TBCK: variants seen among roughly 807,000 people sequenced by gnomAD.
TBCK encodes TBC domain-containing protein kinase-like protein.
A neutral mutation model predicts 113.4 loss-of-function variants in TBCK; 99 were observed. The observed-to-expected ratio is 0.87, with a 90% confidence interval of 0.74 to 1.03. The LOEUF (loss-of-function observed/expected upper bound fraction) is 1.03. Ranked by LOEUF, TBCK falls within the 50% of genes least tolerant of loss-of-function variation. The probability of loss-of-function intolerance (pLI) is 0.00; values close to 1 mark genes in which losing one functional copy is unlikely to be tolerated. For missense variants in TBCK, 1,045 were observed against 1,061.3 expected (o/e 0.98, Z 0.21); for synonymous variants, 369 against 370.8 (o/e 1.00, Z 0.05).
intron 13 of TBCK, 50 bp downstream of exon 13, chr4:106,236,709 A>C (rs145572223): frequency 8.9e-7 from 1 of 1,121,250 alleles, no homozygotes; most frequent in Non-Finnish European, 1.2e-6. Context: ...TTATAAATCT[A>C]ATATAAATAG....
chr4:106,186,041 A>G (rs1253287653), intron 22 of TBCK, among the ~76,000 whole-genome samples: 8 of 152,056 alleles, frequency 5.3e-5, no homozygotes, highest in African/African-American at 1.9e-4. Flanking sequence ...CTCCATCCAT[A>G]TTGCTGCAAA....
In TBCK at chr4:106,230,447, C is replaced by T. The variant is rs1294095178; in HGVS notation, c.1691-1G>A. On this transcript the variant is annotated splice_acceptor_variant, in intron 18 of 25. Coordinates refer to ENST00000394708, the MANE Select transcript of TBCK (RefSeq NM_001163435.3). LOFTEE classifies it high-confidence loss of function. ...GCAGACATACATGCATAAGCCAAGGCTAAAAGAGAATAAGGCAAAGGCATG... is the reference window on the plus strand; with the variant it reads ...GCAGACATACATGCATAAGCCAAGGTTAAAAGAGAATAAGGCAAAGGCATG... 6.3e-7 allele frequency: 1 copy of T among 1,590,840 alleles called. No homozygotes were observed. The highest frequency in any genetic ancestry group is 1.1e-5 in the South Asian group (1 of 88,012).
In TBCK at chr4:106,092,551, C is replaced by T. The variant is rs531190662; in HGVS notation, c.2571+2931G>A. Reference sequence around the variant, plus strand: ...CAGGTCCCGAGCCCTGCCCTGCGGGCAGGCAGCTAAGGCCCGGTGAGAAAT... The same window carrying T: ...CAGGTCCCGAGCCCTGCCCTGCGGGTAGGCAGCTAAGGCCCGGTGAGAAAT... On this transcript the variant is annotated intron_variant, in intron 25 of 25. Coordinates refer to ENST00000394708, the MANE Select transcript of TBCK (RefSeq NM_001163435.3). 1.9e-3 allele frequency among the ~76,000 whole-genome samples: 292 copies of T among 152,334 alleles called. 2 individuals are homozygous for T. Among genetic ancestry groups the T allele is most frequent in the African/African-American group, 6.8e-3 (284 of 41,594 alleles).
intron 22 of TBCK, among the ~76,000 whole-genome samples, chr4:106,192,665 G>C (rs185056971): frequency 1.3e-5 from 2 of 152,020 alleles, no homozygotes; most frequent in African/African-American, 4.8e-5. Flanking sequence ...TTTCAACAGA[G>C]AGGCGGTAAA....
intron 22 of TBCK, among the ~76,000 whole-genome samples, chr4:106,179,390 C>G (rs961412128): frequency 6.6e-6 from 1 of 151,866 alleles, no homozygotes; most frequent in Non-Finnish European, 1.5e-5. Context: ...ATAAACTACC[C>G]TCTTAGAACT....
chr4:106,218,557 A>C, intron 19 of TBCK, among the ~76,000 whole-genome samples: 1 of 82,050 alleles, frequency 1.2e-5, no homozygotes, highest in African/African-American at 4.8e-5. Context: ...AAAGTGGGCA[A>C]AGGACATGAA....
intron 25 of TBCK, among the ~76,000 whole-genome samples, chr4:106,071,502 A>AGT (rs1472692267): frequency 1.3e-5 from 2 of 152,190 alleles, no homozygotes; most frequent in Non-Finnish European, 2.9e-5. Flanking sequence ...TTTGCTGAGG[A>AGT]GTGCTTTACT....
chr4:106,139,184 A>G (rs2149646903), intron 23 of TBCK, among the ~76,000 whole-genome samples: 1 of 140,928 alleles, frequency 7.1e-6, no homozygotes, highest in East Asian at 2.0e-4. Context: ...GATGTCAACT[A>G]AATGATCAAA....
At chr4:106,156,872 G>A (rs1057485605) in intron 23 of TBCK, among the ~76,000 whole-genome samples, 28 of 152,194 alleles carry the variant, frequency 1.8e-4, no homozygotes, top group African/African-American at 6.7e-4. Context: ...TGGCTGAGTT[G>A]GTACCTAAGG....
At chr4:106,246,989 A>G in intron 10 of TBCK, 150 bp downstream of exon 10, 1 of 780,770 alleles carries the variant, frequency 1.3e-6, no homozygotes, top group Middle Eastern at 3.8e-4. Flanking sequence ...CCAGCCAGTC[A>G]GTTATATTTT....
At position 106,137,233 on chromosome 4, in the gene TBCK, G is replaced by GA. The variant is rs571884661; in HGVS notation, c.2236-20856dup. 5.7e-5 allele frequency among the ~76,000 whole-genome samples: 8 copies of GA among 139,448 alleles called. 1 individual carries two copies. The South Asian group carries it at 7.4e-4, about 13-fold the overall frequency. The allele number at this position is 139,448 out of a possible 152,430, so 91.5% of individuals were successfully genotyped here. Reference sequence around the variant, plus strand: ...AAGGATAAACAATTTAAAGAAAAAAGAAAAAAAATTGACAAATATCTCAAT... The same window carrying GA: ...AAGGATAAACAATTTAAAGAAAAAAGAAAAAAAAATTGACAAATATCTCAAT... On this transcript the variant is annotated intron_variant, in intron 23 of 25. Coordinates refer to ENST00000394708, the MANE Select transcript of TBCK (RefSeq NM_001163435.3).
chr4:106,197,889 T>C (rs141543006), intron 20 of TBCK, among the ~76,000 whole-genome samples: 117 of 152,296 alleles, frequency 7.7e-4, no homozygotes, highest in African/African-American at 2.7e-3. Flanking sequence ...CCATTCATAC[T>C]GAACTAATCT....
chr4:106,162,303 T>C (rs1177283492), intron 23 of TBCK, among the ~76,000 whole-genome samples: 1 of 152,182 alleles, frequency 6.6e-6, no homozygotes, highest in Non-Finnish European at 1.5e-5. Flanking sequence ...CCTCTGTGGC[T>C]TTGCAAGATA....
At chr4:106,264,297 A>C (rs748284426) in intron 3 of TBCK, among the ~76,000 whole-genome samples, 1 of 152,022 alleles carries the variant, frequency 6.6e-6, no homozygotes, top group Non-Finnish European at 1.5e-5. Flanking sequence ...GTCCTCACTG[A>C]GGTGACACTT....
At chr4:106,150,953 A>T (rs1283587823) in intron 23 of TBCK, among the ~76,000 whole-genome samples, 1 of 152,172 alleles carries the variant, frequency 6.6e-6, no homozygotes, top group African/African-American at 2.4e-5. Context: ...TGATAAGAAC[A>T]GTCCTTTCCT....
intron 20 of TBCK, among the ~76,000 whole-genome samples, chr4:106,195,085 T>G (rs1478531901): frequency 2.0e-5 from 3 of 152,086 alleles, no homozygotes; most frequent in African/African-American, 7.2e-5. Flanking sequence ...TGTCCATAAA[T>G]CTTCCACCAT....
chr4:106,269,179 A>G (rs1763259008), intron 3 of TBCK, among the ~76,000 whole-genome samples: 1 of 152,166 alleles, frequency 6.6e-6, no homozygotes, highest in African/African-American at 2.4e-5. Flanking sequence ...GCTACTGTGT[A>G]ATTTAAGAAA....
intron 23 of TBCK, among the ~76,000 whole-genome samples, chr4:106,148,709 C>T (rs969378808): frequency 1.3e-5 from 2 of 152,154 alleles, no homozygotes; most frequent in Non-Finnish European, 2.9e-5. Context: ...ATTTATAGAA[C>T]ACAGGCAGAG....
At chr4:106,269,348 A>G (rs748278739) in intron 3 of TBCK, among the ~76,000 whole-genome samples, 1 of 152,140 alleles carries the variant, frequency 6.6e-6, no homozygotes, top group Non-Finnish European at 1.5e-5. Context: ...TTATAATTCC[A>G]GAATTTGGGG....
Sources: allele counts gnomAD v4.1 joint callset (sites outside exome capture counted in the v4.1 genomes callset), GRCh38; gene constraint gnomAD v4.1.1; transcripts MANE v1.5; gene names NCBI Gene and HGNC (gene_info 2026-07-23, HGNC 2026-07-21).